The following CSGALNACT2 variants were observed in gnomAD, a reference collection of about 807,000 sequenced individuals.
The protein encoded by CSGALNACT2 is chondroitin sulfate N-acetylgalactosaminyltransferase 2, also known as beta 4 GalNAcT-2.
CSGALNACT2 carries 35 observed loss-of-function variants against 55.3 expected under a neutral mutation model. The observed-to-expected ratio is 0.63, with a 90% CI of 0.48 to 0.84. CSGALNACT2 has a LOEUF of 0.84. Among genes scored for constraint, CSGALNACT2 ranks in the 40% least tolerant of loss-of-function variants. CSGALNACT2 has a pLI of 0.00. For missense variants in CSGALNACT2, 544 were observed against 657.5 expected (o/e 0.83, Z 1.89); for synonymous variants, 196 against 224.9 (o/e 0.87, Z 1.15).
chr10:43,140,502 G>T (rs1838598637), intron 1 of CSGALNACT2, among the ~76,000 whole-genome samples: 1 of 152,158 alleles, frequency 6.6e-6, no homozygotes, highest in Non-Finnish European at 1.5e-5. Context: ...CCTTTGAATT[G>T]CACATTTATG....
chr10:43,155,171 C>A lies in CSGALNACT2; in HGVS notation c.22C>A (p.Leu8Ile), dbSNP rs762227134. The A allele has an allele frequency of 2.5e-6, 4 of 1,613,830 alleles. No individual in the cohort carries two copies. The highest frequency in any genetic ancestry group is 3.4e-6 in the Non-Finnish European group (4 of 1,179,772). The part of the protein sequence containing the change: MPRRGLI[L>I]HTRTHWLLLG... The stretch of plus-strand genomic sequence containing the variant: ...AAGAATGCCTAGAAGAGGACTGATT[C>A]TTCACACCCGGACCCACTGGTTGCT... The change falls in exon 2 of 8, where the codon CTT becomes ATT. Residue 8 changes from leucine (L) to isoleucine (I), a missense_variant. By Grantham distance (5) the Leu-to-Ile change is conservative (BLOSUM62 2). Coordinates refer to ENST00000374466, the MANE Select transcript of CSGALNACT2 (RefSeq NM_018590.5).
rs1839629937 is a variant in CSGALNACT2, at chr10:43,183,407, G to A, written c.1494G>A (p.Gln498=). The change falls in exon 8 of 8, where the codon CAG becomes CAA. Residue 498 remains glutamine, a synonymous_variant. Transcript: ENST00000374466. ...KRCADELTPE[Q]YRMCIQSKAM... The stretch of plus-strand genomic sequence containing the variant: ...GTGCTGATGAGCTGACCCCCGAGCA[G>A]TACCGCATGTGCATCCAGTCTAAAG... 6.2e-7 allele frequency: 1 copy of A among 1,614,068 alleles called. No homozygotes were observed. Among genetic ancestry groups the A allele is most frequent in the Non-Finnish European group, 8.5e-7 (1 of 1,180,058 alleles).
intron 1 of CSGALNACT2, among the ~76,000 whole-genome samples, chr10:43,139,716 T>G (rs1838576641): frequency 6.6e-6 from 1 of 152,268 alleles, no homozygotes; most frequent in South Asian, 2.1e-4. Context: ...TTTAGTTTTC[T>G]CTGTTTTGAG....
At chr10:43,148,842 T>C (rs1337928625) in intron 1 of CSGALNACT2, among the ~76,000 whole-genome samples, 4 of 152,212 alleles carry the variant, frequency 2.6e-5, no homozygotes, top group Non-Finnish European at 5.9e-5. Context: ...ATAGTTTTAC[T>C]TCTTCCTTTT....
At chr10:43,139,055 G>T (rs1838560352) in intron 1 of CSGALNACT2, among the ~76,000 whole-genome samples, 1 of 152,156 alleles carries the variant, frequency 6.6e-6, no homozygotes, top group Admixed American at 6.5e-5. Context: ...CAGGAAGCAC[G>T]ACAGTGATAC....
chr10:43,160,721 T>C (rs1045168130), intron 4 of CSGALNACT2, 126 bp downstream of exon 4: 2 of 636,640 alleles, frequency 3.1e-6, no homozygotes, highest in South Asian at 1.8e-5. Context: ...ATGTGGGCGG[T>C]GGTGGTGATG....
chr10:43,144,414 C>A (rs1204200499), intron 1 of CSGALNACT2, among the ~76,000 whole-genome samples: 1 of 152,120 alleles, frequency 6.6e-6, no homozygotes, highest in Non-Finnish European at 1.5e-5. Context: ...CTCCAAGTCA[C>A]AAGGCAAGGA....
intron 1 of CSGALNACT2, among the ~76,000 whole-genome samples, chr10:43,147,186 G>T (rs551496576): frequency 1.1e-4 from 16 of 151,092 alleles, no homozygotes; most frequent in Admixed American, 6.6e-4. Context: ...CGTTTTAGCC[G>T]GGATGGTCTC....
At chr10:43,147,974 A>G (rs1465756281) in intron 1 of CSGALNACT2, among the ~76,000 whole-genome samples, 1 of 152,006 alleles carries the variant, frequency 6.6e-6, no homozygotes, top group Non-Finnish European at 1.5e-5. Flanking sequence ...GCCTGATCCA[A>G]GGTCACAAAT....
At chr10:43,145,145 T>C (rs1187669006) in intron 1 of CSGALNACT2, among the ~76,000 whole-genome samples, 1 of 152,160 alleles carries the variant, frequency 6.6e-6, no homozygotes, top group Non-Finnish European at 1.5e-5. Context: ...AAGTATAAAC[T>C]GAGGCAGAAT....
At chr10:43,157,063 CCT>C (rs1188763833) in intron 2 of CSGALNACT2, among the ~76,000 whole-genome samples, 1 of 152,184 alleles carries the variant, frequency 6.6e-6, no homozygotes, top group Non-Finnish European at 1.5e-5. Flanking sequence ...CTTGTGGCCT[CCT>C]CTTTTTTCTG....
intron 1 of CSGALNACT2, among the ~76,000 whole-genome samples, chr10:43,150,248 G>A (rs913641137): frequency 1.3e-5 from 2 of 151,904 alleles, no homozygotes; most frequent in Admixed American, 6.6e-5. Flanking sequence ...ATCTTTCTAG[G>A]ATTTTGTCCA....
chr10:43,170,588 C>T (rs1455251582), intron 6 of CSGALNACT2, among the ~76,000 whole-genome samples: 5 of 152,102 alleles, frequency 3.3e-5, no homozygotes, highest in African/African-American at 9.7e-5. Context: ...AGTGAATGAG[C>T]AGATAAATAT....
intron 5 of CSGALNACT2, among the ~76,000 whole-genome samples, chr10:43,166,686 T>A (rs1469179134): frequency 6.6e-6 from 1 of 152,234 alleles, no homozygotes; most frequent in East Asian, 1.9e-4. Flanking sequence ...CTACGTTTAT[T>A]ACTACTGATT....
intron 1 of CSGALNACT2, among the ~76,000 whole-genome samples, chr10:43,144,871 T>G (rs1434935053): frequency 2.0e-5 from 3 of 152,236 alleles, no homozygotes; most frequent in African/African-American, 7.2e-5. Context: ...TACCTTGCAT[T>G]TTCTAAAATT....
At chr10:43,149,596 T>C (rs1838832658) in intron 1 of CSGALNACT2, among the ~76,000 whole-genome samples, 1 of 152,228 alleles carries the variant, frequency 6.6e-6, no homozygotes, top group Non-Finnish European at 1.5e-5. Flanking sequence ...GGGTTCGTTT[T>C]GCTAGTATTT....
Position 43,184,273 on chromosome 10 carries a change from A to T in CSGALNACT2, c.*731A>T, listed in dbSNP as rs1170191909. 1 of 152,230 alleles carries T rather than the reference A, an allele frequency of 6.6e-6. No homozygotes were observed. The highest frequency in any genetic ancestry group is 1.9e-4 in the East Asian group (1 of 5,200). 9.4% of individuals were successfully genotyped at this position (152,230 alleles called of 1,614,324 possible). A position where few individuals can be genotyped will look rare whatever the true frequency, so the allele number is the denominator to read the frequency against. ...AAACTATTTTGAACAAACAGAAAAG[A>T]ACACGGAAACATTTTTAACAGAGCA... On this transcript the variant is annotated 3_prime_UTR_variant, in exon 8 of 8. Transcript: ENST00000374466.
chr10:43,176,704 A>G (rs934256976), intron 7 of CSGALNACT2, among the ~76,000 whole-genome samples: 3 of 152,262 alleles, frequency 2.0e-5, no homozygotes, highest in African/African-American at 7.2e-5. Context: ...AGCTGTGACC[A>G]CAGGCGTGCA....
At chr10:43,176,095 A>G in intron 7 of CSGALNACT2, 63 bp downstream of exon 7, 1 of 1,324,186 alleles carries the variant, frequency 7.6e-7, no homozygotes, top group South Asian at 1.3e-5. Context: ...GTATTTTGCT[A>G]AAAGGTCTCA....
Sources: allele counts gnomAD v4.1 joint callset (sites outside exome capture counted in the v4.1 genomes callset), GRCh38; gene constraint gnomAD v4.1.1; transcripts MANE v1.5; gene names NCBI Gene and HGNC (gene_info 2026-07-23, HGNC 2026-07-21).